The following ASIC2 variants were observed in gnomAD, a reference collection of about 807,000 sequenced individuals.
ASIC2 encodes acid sensing ion channel subunit 2.
In ASIC2, 25 loss-of-function variants were observed where a neutral mutation model predicts 57.3. That is an observed-to-expected ratio of 0.44 (90% CI 0.32 to 0.61). The LOEUF (loss-of-function observed/expected upper bound fraction) is 0.61. Ranked by LOEUF, ASIC2 falls within the 20% of genes least tolerant of loss-of-function variation. The pLI is 0.06. For synonymous variants in ASIC2, 319 were observed against 307.5 expected (o/e 1.04, Z -0.39); for missense variants, 641 against 738.1 (o/e 0.87, Z 1.52).
chr17:33,370,701 A>T (rs906764617), intron 1 of ASIC2, among the ~76,000 whole-genome samples: 2 of 152,204 alleles, frequency 1.3e-5, no homozygotes, highest in South Asian at 2.1e-4. Context: ...TCCCACTGGG[A>T]TTCTCTCTAG....
rs200480642 is a variant in ASIC2 at position 33,013,660 on chromosome 17, G to A, written c.*305C>T. The A allele has an allele frequency of 5.1e-5, 20 of 388,886 alleles. No individual in the cohort carries two copies. The highest frequency in any genetic ancestry group is 1.7e-4 in the South Asian group (5 of 29,556). 24.1% of individuals were successfully genotyped at this position (388,886 alleles called of 1,614,324 possible). A position where few individuals can be genotyped will look rare whatever the true frequency, so the allele number is the denominator to read the frequency against. ...TGTACAAGACAGACGTGGAGGTGGC[G>A]CCACAAGAAGTCTGAGCATGCAGGT... is the stretch of plus-strand genomic sequence containing the variant. On this transcript the variant is annotated 3_prime_UTR_variant, in exon 10 of 10. Coordinates refer to ENST00000225823, the MANE Select transcript of ASIC2 (RefSeq NM_183377.2).
At chr17:33,631,186 C>T (rs1906156352) in intron 1 of ASIC2, among the ~76,000 whole-genome samples, 1 of 152,176 alleles carries the variant, frequency 6.6e-6, no homozygotes, top group Admixed American at 6.5e-5. Context: ...ATGCCAGCCC[C>T]TTGGGCTAAG....
At chr17:33,084,082 G>A (rs905682922) in intron 3 of ASIC2, among the ~76,000 whole-genome samples, 1 of 152,126 alleles carries the variant, frequency 6.6e-6, no homozygotes, top group Admixed American at 6.5e-5. Flanking sequence ...ATGCCAGCTG[G>A]CAGAGCCGGG....
intron 1 of ASIC2, among the ~76,000 whole-genome samples, chr17:33,654,087 T>C (rs1186163834): frequency 6.6e-6 from 1 of 152,216 alleles, no homozygotes; most frequent in Non-Finnish European, 1.5e-5. Context: ...TTTTCTCATC[T>C]ACAAAATGGA....
chr17:34,144,266 T>C (rs1043904413), intron 1 of ASIC2, among the ~76,000 whole-genome samples: 1 of 152,220 alleles, frequency 6.6e-6, no homozygotes, highest in African/African-American at 2.4e-5. Context: ...TAGCCATTAT[T>C]AACAGGTTTT....
intron 1 of ASIC2, among the ~76,000 whole-genome samples, chr17:33,694,216 A>G (rs907665070): frequency 2.0e-5 from 3 of 152,174 alleles, no homozygotes; most frequent in African/African-American, 7.2e-5. Context: ...TAAAACGTTT[A>G]AAACTTCAAC....
chr17:33,588,804 A>C lies in ASIC2; in HGVS notation c.556-476737T>G, dbSNP rs547921527. On this transcript the variant is annotated intron_variant, in intron 1 of 9. Transcript: ENST00000359872. ...AAGATTCTGAGTTGACTAAGCTAAA[A>C]AAGTGTGGTGGGAGAAGAATCTCTC... is the stretch of plus-strand genomic sequence containing the variant. Among the ~76,000 whole-genome samples, 161 of 152,346 alleles carry C rather than the reference A, an allele frequency of 1.1e-3. 2 individuals are homozygous for C. The highest frequency in any genetic ancestry group is 2.0e-3 in the Non-Finnish European group (139 of 68,034).
chr17:33,338,703 C>T (rs1907617746), intron 1 of ASIC2, among the ~76,000 whole-genome samples: 1 of 152,042 alleles, frequency 6.6e-6, no homozygotes, highest in East Asian at 1.9e-4. Flanking sequence ...TTACAGTACA[C>T]AAAATGGATA....
chr17:34,135,601 C>T (rs1365855602), intron 1 of ASIC2, among the ~76,000 whole-genome samples: 1 of 152,166 alleles, frequency 6.6e-6, no homozygotes, highest in African/African-American at 2.4e-5. Context: ...GGTTGAGAAT[C>T]ATAGACTTAA....
intron 1 of ASIC2, among the ~76,000 whole-genome samples, chr17:33,690,903 C>G (rs1450770029): frequency 1.3e-5 from 2 of 151,888 alleles, no homozygotes; most frequent in African/African-American, 2.4e-5. Context: ...GCTCCTGCCA[C>G]CACGCCTGGC....
intron 1 of ASIC2, among the ~76,000 whole-genome samples, chr17:33,988,236 C>T (rs949991715): frequency 2.6e-5 from 4 of 152,224 alleles, no homozygotes; most frequent in African/African-American, 9.6e-5. Context: ...CCAGGGAAAG[C>T]AACTAACATT....
At chr17:33,968,213 TGCCTGACTTCAA>T (rs1365621894) in intron 1 of ASIC2, among the ~76,000 whole-genome samples, 2 of 152,184 alleles carry the variant, frequency 1.3e-5, no homozygotes, top group Non-Finnish European at 2.9e-5. Context: ...CTCACAAGTT[TGCCTGACTTCAA>T]GCCCAGTGCC....
intron 3 of ASIC2, among the ~76,000 whole-genome samples, chr17:33,051,775 T>C (rs983261582): frequency 6.6e-6 from 1 of 152,204 alleles, no homozygotes; most frequent in Admixed American, 6.5e-5. Context: ...GCAGTCAATA[T>C]AGCAGAGATC....
At chr17:33,645,186 T>C (rs753021139) in intron 1 of ASIC2, among the ~76,000 whole-genome samples, 2 of 152,024 alleles carry the variant, frequency 1.3e-5, no homozygotes, top group African/African-American at 4.8e-5. Context: ...GAGCAAAACG[T>C]TAGATGCAGT....
chr17:33,767,169 T>C (rs1910958519), intron 1 of ASIC2, among the ~76,000 whole-genome samples: 2 of 152,234 alleles, frequency 1.3e-5, no homozygotes, highest in Admixed American at 1.3e-4. Context: ...CTCTGGTGCC[T>C]CATTGTGCAA....
intron 1 of ASIC2, among the ~76,000 whole-genome samples, chr17:33,700,680 A>T (rs913397825): frequency 6.6e-6 from 1 of 152,220 alleles, no homozygotes; most frequent in Non-Finnish European, 1.5e-5. Context: ...TATTATTCAT[A>T]TTAGTGTTAG....
intron 1 of ASIC2, among the ~76,000 whole-genome samples, chr17:33,352,191 G>A (rs891699376): frequency 3.9e-5 from 6 of 152,000 alleles, no homozygotes; most frequent in African/African-American, 7.3e-5. Context: ...TCTGAATCTC[G>A]ACTTTACCTG....
intron 1 of ASIC2, among the ~76,000 whole-genome samples, chr17:33,423,423 G>T (rs1683750307): frequency 6.6e-6 from 1 of 152,132 alleles, no homozygotes; most frequent in African/African-American, 2.4e-5. Flanking sequence ...TGTAAATAAT[G>T]TGTATTTCAT....
intron 1 of ASIC2, among the ~76,000 whole-genome samples, chr17:33,366,876 C>T (rs1438157286): frequency 6.6e-6 from 1 of 152,180 alleles, no homozygotes; most frequent in African/African-American, 2.4e-5. Flanking sequence ...GAACTTTGTA[C>T]ACCCTGTTAA....
Sources: gnomAD v4.1 joint callset for allele counts (sites outside exome capture counted in the v4.1 genomes callset) on GRCh38, gnomAD v4.1.1 for gene constraint, MANE v1.5 for transcripts, NCBI Gene and HGNC (gene_info 2026-07-23, HGNC 2026-07-21) for gene names.